The following WWOX variants were observed in gnomAD, a reference collection of about 807,000 sequenced individuals.
The protein encoded by WWOX is WW domain-containing oxidoreductase.
A neutral mutation model predicts 46.2 loss-of-function variants in WWOX; 69 were observed. The ratio of observed to expected loss-of-function variants is 1.49; its 90% CI spans 1.23 to 1.82. WWOX has a LOEUF of 1.82. Ranked by LOEUF, WWOX falls within the 40% of genes most tolerant of loss-of-function variation. WWOX has a pLI of 0.00. For missense variants in WWOX, 919 were observed against 542.6 expected (o/e 1.69, Z -6.89); for synonymous variants, 359 against 202.6 (o/e 1.77, Z -6.56).
At chr16:78,374,527 A>ATTTTTTTTTTTTTT (rs541225697) in intron 5 of WWOX, among the ~76,000 whole-genome samples, 3 of 70,902 alleles carry the variant, frequency 4.2e-5, no homozygotes, top group Non-Finnish European at 7.7e-5. Flanking sequence ...TCTGTCTTGA[A>ATTTTTTTTTTTTTT]TTTTTTTTTT....
rs938637364 is a variant in WWOX, at chr16:78,099,682, C to T, written c.-97C>T. 2.0e-4 allele frequency: 282 copies of T among 1,429,854 alleles called. No homozygotes were observed. Among genetic ancestry groups the T allele is most frequent in the Middle Eastern group, 5.1e-4 (2 of 3,956 alleles). The allele number at this position is 1,429,854 out of a possible 1,614,324, so 88.6% of individuals were successfully genotyped here. On this transcript the variant is annotated 5_prime_UTR_variant, in exon 1 of 9. Coordinates refer to ENST00000566780, the MANE Select transcript of WWOX (RefSeq NM_016373.4). ...GTGCGCAGGCGTGAGCGGTCGGGCC[C>T]CGACGCGCGCGGGTCTCGTTTGGAG...
intron 8 of WWOX, among the ~76,000 whole-genome samples, chr16:78,765,634 G>A (rs1442938151): frequency 6.6e-6 from 1 of 152,094 alleles, no homozygotes; most frequent in East Asian, 1.9e-4. Flanking sequence ...AGCCGAGATT[G>A]TGCCACTGCA....
At chr16:78,561,627 A>G (rs182722042) in intron 8 of WWOX, among the ~76,000 whole-genome samples, 2 of 152,166 alleles carry the variant, frequency 1.3e-5, no homozygotes, top group African/African-American at 4.8e-5. Context: ...TGATATTTGG[A>G]GAGACTTTTT....
At chr16:78,795,344 T>G (rs981953183) in intron 8 of WWOX, among the ~76,000 whole-genome samples, 1 of 152,208 alleles carries the variant, frequency 6.6e-6, no homozygotes, top group East Asian at 1.9e-4. Flanking sequence ...CCCTGAAAGC[T>G]GACTCTTTAA....
intron 8 of WWOX, among the ~76,000 whole-genome samples, chr16:78,726,305 G>C (rs1472403293): frequency 1.3e-5 from 2 of 151,330 alleles, no homozygotes; most frequent in Non-Finnish European, 2.9e-5. Flanking sequence ...GTTCACTGCA[G>C]CCTCAACCTC....
At chr16:78,817,861 T>C (rs1446038972) in intron 8 of WWOX, among the ~76,000 whole-genome samples, 2 of 152,160 alleles carry the variant, frequency 1.3e-5, no homozygotes, top group Non-Finnish European at 2.9e-5. Flanking sequence ...GCCTTCTTAT[T>C]GTCATAGGTC....
At position 78,358,837 on chromosome 16, in the gene WWOX, A is replaced by G. The variant is rs554734407; in HGVS notation, c.517-28023A>G. Among the ~76,000 whole-genome samples the G allele has an allele frequency of 5.7e-5, 8 of 139,474 alleles. No individual in the cohort carries two copies. The South Asian group carries it at 1.2e-3, about 20-fold the overall frequency. 91.5% of individuals were successfully genotyped at this position (139,474 alleles called of 152,430 possible). ...TTCTGACTTTTTAAAATTCAAATAT[A>G]TTTCATAAAGTTGAAATCACACTGT... On this transcript the variant is annotated intron_variant, in intron 5 of 8. Coordinates refer to ENST00000566780, the MANE Select transcript of WWOX (RefSeq NM_016373.4).
intron 8 of WWOX, among the ~76,000 whole-genome samples, chr16:78,821,997 C>G (rs1266399186): frequency 2.6e-5 from 4 of 152,140 alleles, no homozygotes; most frequent in African/African-American, 7.2e-5. Context: ...CTGCCTCAGT[C>G]TCCTGAGTAG....
intron 8 of WWOX, among the ~76,000 whole-genome samples, chr16:78,445,836 C>T (rs1282937972): frequency 6.6e-6 from 1 of 151,062 alleles, no homozygotes; most frequent in Admixed American, 6.6e-5. Context: ...AGAGATCGTG[C>T]CACTGTACTC....
intron 8 of WWOX, among the ~76,000 whole-genome samples, chr16:78,562,148 T>G (rs2044455167): frequency 6.6e-6 from 1 of 152,172 alleles, no homozygotes; most frequent in Non-Finnish European, 1.5e-5. Flanking sequence ...CTGGATTTGA[T>G]CCAAGCTCTC....
At chr16:78,346,717 T>A (rs1182891123) in intron 5 of WWOX, among the ~76,000 whole-genome samples, 2 of 119,286 alleles carry the variant, frequency 1.7e-5, no homozygotes, top group East Asian at 3.9e-4. Flanking sequence ...ATTATTTACT[T>A]TTTTTGAGAT....
chr16:78,459,426 A>C (rs1042106646), intron 8 of WWOX, among the ~76,000 whole-genome samples: 1 of 152,196 alleles, frequency 6.6e-6, no homozygotes, highest in South Asian at 2.1e-4. Context: ...TCATCAAGAG[A>C]AGCAGCTTTT....
At chr16:78,257,169 T>G (rs1243727384) in intron 5 of WWOX, among the ~76,000 whole-genome samples, 2 of 152,102 alleles carry the variant, frequency 1.3e-5, no homozygotes, top group Admixed American at 1.3e-4. Context: ...TCTTCTAGGC[T>G]GACACATTGC....
At chr16:79,188,382 C>G (rs201190861) in intron 8 of WWOX, among the ~76,000 whole-genome samples, 1 of 145,572 alleles carries the variant, frequency 6.9e-6, no homozygotes, top group Non-Finnish European at 1.5e-5. Flanking sequence ...TGCTCTCTCT[C>G]TTTTTTCGGT....
At position 78,109,816 on chromosome 16, in the gene WWOX, G is replaced by A. The variant is rs767880120; in HGVS notation, c.211G>A (p.Gly71Arg). 3.8e-5 allele frequency: 61 copies of A among 1,614,096 alleles called. No homozygotes were observed. The South Asian group carries it at 4.6e-4, about 12-fold the overall frequency. Residue 71 changes from glycine to arginine, a missense_variant, in exon 3 of 9, where the codon GGA becomes AGA. Gly to Arg is a moderately radical substitution (Grantham distance 125, BLOSUM62 -2). Transcript: ENST00000566780. ...YGWEQETDEN[G>R]QVFFVDHINK... ...ATGGGAACAAGAAACTGATGAGAAC[G>A]GACAAGTGTTTTTTGTTGAGTAAGT...
At chr16:78,908,322 C>G (rs760146072) in intron 8 of WWOX, among the ~76,000 whole-genome samples, 12 of 152,072 alleles carry the variant, frequency 7.9e-5, no homozygotes, top group Admixed American at 1.3e-4. Flanking sequence ...GGTGGTTCAA[C>G]TGAGGTCAGG....
chr16:78,785,956 G>C (rs960328346), intron 8 of WWOX, among the ~76,000 whole-genome samples: 7 of 152,018 alleles, frequency 4.6e-5, no homozygotes, highest in African/African-American at 1.7e-4. Flanking sequence ...GCCCAGGCTG[G>C]AGTGCAGTGG....
Position 78,575,032 on chromosome 16 carries a change from T to A in WWOX, c.1056+142280T>A, listed in dbSNP as rs1567655064. ...ATATATATATATATAAATATATATA[T>A]ATATATATATATATATATATATATA... On this transcript the variant is annotated intron_variant, in intron 8 of 8. Transcript: ENST00000566780. 4.2e-3 allele frequency among the ~76,000 whole-genome samples: 10 copies of A among 2,358 alleles called. 1 individual carries two copies. Among genetic ancestry groups the A allele is most frequent in the East Asian group, 0.014 (1 of 70 alleles). The allele number at this position is 2,358 out of a possible 152,430, so 1.5% of individuals were successfully genotyped here. A position where few individuals can be genotyped will look rare whatever the true frequency, so the allele number is the denominator to read the frequency against.
intron 8 of WWOX, among the ~76,000 whole-genome samples, chr16:78,848,651 G>C (rs1289121839): frequency 6.6e-6 from 1 of 152,130 alleles, no homozygotes; most frequent in African/African-American, 2.4e-5. Context: ...CTAATTAACA[G>C]ATTTGCCTAG....
Sources: allele counts gnomAD v4.1 joint callset (sites outside exome capture counted in the v4.1 genomes callset), GRCh38; gene constraint gnomAD v4.1.1; transcripts MANE v1.5; gene names NCBI Gene and HGNC (gene_info 2026-07-23, HGNC 2026-07-21).